Variants in DCC observed in about 807,000 individuals in gnomAD.
DCC encodes the protein netrin receptor DCC.
In DCC, 58 loss-of-function variants were observed where a neutral mutation model predicts 172.5. The observed-to-expected ratio is 0.34, with a 90% CI of 0.27 to 0.42. The LOEUF is 0.42. DCC is among the 10% of genes least tolerant of loss of function. The pLI, the probability that DCC is intolerant of heterozygous loss-of-function variation, is 1.00. For synonymous variants in DCC, 709 were observed against 644.5 expected, an observed-to-expected ratio of 1.10 and a Z score of -1.52; for missense variants, 1,740 against 1,791.0, an observed-to-expected ratio of 0.97 and a Z score of 0.51.
Position 53,207,703 on chromosome 18 carries a change from T to C in DCC, c.1747T>C (p.Tyr583His). 1 of 1,613,844 alleles carries C rather than the reference T, an allele frequency of 6.2e-7. No individual in the cohort carries two copies. Among genetic ancestry groups the C allele is most frequent in the Non-Finnish European group, 8.5e-7 (1 of 1,179,814 alleles). The change falls in exon 11 of 29, where the codon TAT (tyrosine) becomes CAT (histidine). Residue 583 changes from tyrosine to histidine, a missense_variant. Coordinates refer to ENST00000442544, the MANE Select transcript of DCC (RefSeq NM_005215.4). ...GAATATAGAGGTTGATGGACTATCT[T>C]ATAAACTGGAAGGCCTGAAAAAATT... ...EQNIEVDGLS[Y>H]KLEGLKKFTE...
intron 15 of DCC, among the ~76,000 whole-genome samples, chr18:53,350,051 T>A (rs2057771545): frequency 6.6e-6 from 1 of 152,128 alleles, no homozygotes. Flanking sequence ...TAACATAAAA[T>A]ACATTTACAA....
At chr18:52,568,995 CACTT>C (rs1487261580) in intron 1 of DCC, among the ~76,000 whole-genome samples, 3 of 152,156 alleles carry the variant, frequency 2.0e-5, no homozygotes, top group Admixed American at 1.3e-4. Flanking sequence ...ACAGGACTAA[CACTT>C]ACCATACGTG....
chr18:52,544,002 C>G (rs182598485), intron 1 of DCC, among the ~76,000 whole-genome samples: 10 of 152,296 alleles, frequency 6.6e-5, no homozygotes, highest in Admixed American at 5.2e-4. Context: ...AAATTCAAAA[C>G]TCATGAACAC....
chr18:53,422,904 A>G (rs763978773), intron 21 of DCC, among the ~76,000 whole-genome samples: 8 of 152,124 alleles, frequency 5.3e-5, no homozygotes, highest in Non-Finnish European at 8.8e-5. Context: ...CACCCACTTG[A>G]AAAAGCTATT....
intron 14 of DCC, among the ~76,000 whole-genome samples, chr18:53,336,934 A>T (rs567491487): frequency 6.6e-6 from 1 of 152,346 alleles, no homozygotes; most frequent in Non-Finnish European, 1.5e-5. Context: ...ATATCTTCTT[A>T]CGTACTAACA....
intron 25 of DCC, among the ~76,000 whole-genome samples, chr18:53,475,178 A>C (rs1396205165): frequency 6.6e-6 from 1 of 152,216 alleles, no homozygotes; most frequent in Non-Finnish European, 1.5e-5. Flanking sequence ...CAGTTTTACA[A>C]GGGAAGCAGA....
chr18:52,883,514 A>G (rs576723321), intron 2 of DCC, among the ~76,000 whole-genome samples: 1 of 151,922 alleles, frequency 6.6e-6, no homozygotes, highest in African/African-American at 2.4e-5. Context: ...AGGCTTGCAA[A>G]GACTATCTTA....
At chr18:52,838,421 T>C (rs2038750195) in intron 2 of DCC, among the ~76,000 whole-genome samples, 1 of 152,178 alleles carries the variant, frequency 6.6e-6, no homozygotes, top group African/African-American at 2.4e-5. Flanking sequence ...TTGCATGTAT[T>C]AGTATGAAAA....
intron 5 of DCC, among the ~76,000 whole-genome samples, chr18:53,049,092 G>C (rs1016021390): frequency 4.6e-5 from 7 of 151,936 alleles, no homozygotes; most frequent in African/African-American, 1.7e-4. Flanking sequence ...GCCTTTGTCA[G>C]ATATTATGCC....
At chr18:53,130,393 G>A (rs1483804548) in intron 7 of DCC, among the ~76,000 whole-genome samples, 1 of 152,050 alleles carries the variant, frequency 6.6e-6, no homozygotes, top group Non-Finnish European at 1.5e-5. Flanking sequence ...GAGCCCGGTG[G>A]ATAAAGAGGT....
At chr18:52,701,149 G>A (rs1351788346) in intron 1 of DCC, among the ~76,000 whole-genome samples, 2 of 152,084 alleles carry the variant, frequency 1.3e-5, no homozygotes, top group Admixed American at 6.5e-5. Flanking sequence ...AATACAATCA[G>A]GTACATGTAT....
At chr18:52,514,198 CAT>C (rs2031544172) in intron 1 of DCC, among the ~76,000 whole-genome samples, 2 of 151,884 alleles carry the variant, frequency 1.3e-5, no homozygotes, top group African/African-American at 4.8e-5. Context: ...TATGCGTACA[CAT>C]GTGCATATAT....
Position 53,535,663 on chromosome 18 carries a change from C to T in DCC, c.*5010C>T, listed in dbSNP as rs1050759385. On this transcript the variant is annotated 3_prime_UTR_variant, in exon 29 of 29. Transcript: ENST00000442544. ...GTTTCTTTAAACTGTCAGATTCTAG[C>T]ATTGTTAACCAAATTAGACTAGTGA... The T allele has an allele frequency of 6.6e-6, 1 of 152,158 alleles. No homozygotes were observed. Among genetic ancestry groups the T allele is most frequent in the Non-Finnish European group, 1.5e-5 (1 of 68,018 alleles). 9.4% of individuals were successfully genotyped at this position (152,158 alleles called of 1,614,324 possible). A position where few individuals can be genotyped will look rare whatever the true frequency, so the allele number is the denominator to read the frequency against.
chr18:53,250,241 T>G (rs1187961672), intron 12 of DCC, among the ~76,000 whole-genome samples: 2 of 152,002 alleles, frequency 1.3e-5, no homozygotes, highest in Non-Finnish European at 2.9e-5. Flanking sequence ...ATTCACTATA[T>G]AGATTCTGTA....
intron 24 of DCC, among the ~76,000 whole-genome samples, chr18:53,460,185 C>G (rs1052599331): frequency 1.7e-4 from 11 of 62,894 alleles, no homozygotes; most frequent in African/African-American, 3.9e-4. Context: ...TTCATATTAT[C>G]TAAGTGCTTA....
At chr18:52,662,488 C>T (rs1386092537) in intron 1 of DCC, among the ~76,000 whole-genome samples, 1 of 119,000 alleles carries the variant, frequency 8.4e-6, no homozygotes, top group Non-Finnish European at 1.6e-5. Flanking sequence ...CAGGGACACA[C>T]ATGCCAAGGA....
chr18:52,798,642 G>A (rs1480871294), intron 2 of DCC, among the ~76,000 whole-genome samples: 2 of 152,132 alleles, frequency 1.3e-5, no homozygotes, highest in African/African-American at 4.8e-5. Context: ...AGGCTAGTTA[G>A]GCTAGGAAAA....
At chr18:52,814,493 G>A (rs1417826968) in intron 2 of DCC, among the ~76,000 whole-genome samples, 1 of 152,154 alleles carries the variant, frequency 6.6e-6, no homozygotes. Context: ...ATACAATCTT[G>A]ATCCTTGTAT....
At chr18:52,527,535 T>G (rs76600366) in intron 1 of DCC, among the ~76,000 whole-genome samples, 3,060 of 152,312 alleles carry the variant, frequency 0.02, 109 homozygotes, top group East Asian at 0.096. Context: ...TGAAAGCAAA[T>G]GTGTTGGAAA....
Sources: allele counts gnomAD v4.1 joint callset (sites outside exome capture counted in the v4.1 genomes callset), GRCh38; gene constraint gnomAD v4.1.1; transcripts MANE v1.5; gene names NCBI Gene and HGNC (gene_info 2026-07-23, HGNC 2026-07-21).